INPP5A: variants seen among roughly 807,000 people sequenced by gnomAD.
INPP5A encodes the protein 43 kDa inositol polyphosphate 5-phophatase.
INPP5A carries 14 observed loss-of-function variants against 65.2 expected under a neutral mutation model. That is an observed-to-expected ratio of 0.21 (90% CI 0.14 to 0.34). The LOEUF (loss-of-function observed/expected upper bound fraction) is 0.34, where lower values mean the gene tolerates loss of function less well. Among genes scored for constraint, INPP5A ranks in the 10% least tolerant of loss-of-function variants. The probability of loss-of-function intolerance (pLI) is 1.00; values close to 1 mark genes in which losing one functional copy is unlikely to be tolerated. For synonymous variants in INPP5A, 207 were observed against 208.3 expected (o/e 0.99, Z 0.05); for missense variants, 431 against 545.6 (o/e 0.79, Z 2.09).
At chr10:132,604,807 T>C (rs75450219) in intron 1 of INPP5A, among the ~76,000 whole-genome samples, 3,543 of 152,268 alleles carry the variant, frequency 0.023, 50 homozygotes, top group South Asian at 0.039. Context: ...CAGTATTTGA[T>C]CAGACCTGTG....
intron 1 of INPP5A, among the ~76,000 whole-genome samples, chr10:132,554,012 T>C (rs1055843428): frequency 2.0e-5 from 3 of 149,110 alleles, no homozygotes; most frequent in African/African-American, 7.5e-5. Context: ...GGAGAGAGGA[T>C]TGGTGAACGC....
chr10:132,548,702 T>C (rs1215822410), intron 1 of INPP5A, among the ~76,000 whole-genome samples: 2 of 152,196 alleles, frequency 1.3e-5, no homozygotes, highest in East Asian at 1.9e-4. Context: ...CAGGCTGTGT[T>C]GTTTTCATGC....
chr10:132,691,462 G>A (rs1845259407), intron 5 of INPP5A, among the ~76,000 whole-genome samples: 2 of 152,254 alleles, frequency 1.3e-5, no homozygotes, highest in Non-Finnish European at 2.9e-5. Context: ...AGAGCGCGCC[G>A]ACGCAGCGTG....
intron 11 of INPP5A, among the ~76,000 whole-genome samples, chr10:132,765,458 C>T (rs1236862845): frequency 1.3e-5 from 2 of 152,158 alleles, no homozygotes; most frequent in African/African-American, 4.8e-5. Context: ...GAGGAGAGGC[C>T]GAGAGGGGCT....
chr10:132,733,963 G>A (rs1846131875), intron 9 of INPP5A, among the ~76,000 whole-genome samples: 1 of 152,220 alleles, frequency 6.6e-6, no homozygotes, highest in African/African-American at 2.4e-5. Flanking sequence ...GGACCTGCGA[G>A]TCTCCTGGGA....
chr10:132,585,707 A>G lies in INPP5A; in HGVS notation c.76-22208A>G, dbSNP rs576892241. On this transcript the variant is annotated intron_variant, in intron 1 of 15. Coordinates refer to ENST00000368594, the MANE Select transcript of INPP5A (RefSeq NM_005539.5). Reference sequence around the variant, plus strand: ...GTCTCACGGAGCCTCAGATACCACCATCTCTTTCTTCATCCTTTTCTTGCA... The same window carrying G: ...GTCTCACGGAGCCTCAGATACCACCGTCTCTTTCTTCATCCTTTTCTTGCA... 1.1e-4 allele frequency among the ~76,000 whole-genome samples: 17 copies of G among 152,288 alleles called. No homozygotes were observed. The South Asian group carries it at 2.1e-3, about 19-fold the overall frequency.
chr10:132,593,988 T>C (rs907143174), intron 1 of INPP5A, among the ~76,000 whole-genome samples: 1 of 152,212 alleles, frequency 6.6e-6, no homozygotes, highest in Admixed American at 6.5e-5. Flanking sequence ...GAATCATCCA[T>C]GTCTGTATGT....
intron 12 of INPP5A, among the ~76,000 whole-genome samples, chr10:132,770,067 A>C (rs1410226401): frequency 6.6e-6 from 1 of 152,208 alleles, no homozygotes; most frequent in East Asian, 1.9e-4. Context: ...AACCCCATGT[A>C]GAACAGGGCT....
chr10:132,619,716 T>A (rs1454146231), intron 2 of INPP5A, among the ~76,000 whole-genome samples: 1 of 152,218 alleles, frequency 6.6e-6, no homozygotes, highest in African/African-American at 2.4e-5. Context: ...TGGAGTGCAA[T>A]GGCATGATCT....
chr10:132,596,946 T>TGTGCGCACATGTGCGCGC (rs1564929071), intron 1 of INPP5A, among the ~76,000 whole-genome samples: 13 of 128,210 alleles, frequency 1.0e-4, no homozygotes, highest in African/African-American at 4.3e-4. Flanking sequence ...CATGTGTGCG[T>TGTGCGCACATGTGCGCGC]GTGTGCACAC....
At chr10:132,711,116 C>T (rs1290850211) in intron 8 of INPP5A, among the ~76,000 whole-genome samples, 1 of 152,186 alleles carries the variant, frequency 6.6e-6, no homozygotes, top group Non-Finnish European at 1.5e-5. Flanking sequence ...AAAACGGTGC[C>T]ATGGGGTGCT....
chr10:132,665,157 C>T (rs929792497), intron 4 of INPP5A, among the ~76,000 whole-genome samples: 6 of 152,226 alleles, frequency 3.9e-5, no homozygotes, highest in African/African-American at 1.4e-4. Flanking sequence ...GGCCTTCCCT[C>T]GCCTTTGCAG....
At chr10:132,755,209 G>C (rs1846574061) in intron 11 of INPP5A, among the ~76,000 whole-genome samples, 1 of 152,074 alleles carries the variant, frequency 6.6e-6, no homozygotes, top group Non-Finnish European at 1.5e-5. Flanking sequence ...ACATGAGCGG[G>C]TGTGTGCATG....
intron 1 of INPP5A, among the ~76,000 whole-genome samples, chr10:132,562,316 C>A (rs2071216958): frequency 6.6e-6 from 1 of 152,262 alleles, no homozygotes; most frequent in Non-Finnish European, 1.5e-5. Context: ...CCGCTCGCCA[C>A]CTCTGGCCTG....
At chr10:132,717,750 C>T (rs1845767919) in intron 8 of INPP5A, among the ~76,000 whole-genome samples, 1 of 147,254 alleles carries the variant, frequency 6.8e-6, no homozygotes, top group Non-Finnish European at 1.5e-5. Flanking sequence ...CTTCAGGGTT[C>T]TGTGGTACCT....
At chr10:132,621,579 A>T (rs959708840) in intron 2 of INPP5A, among the ~76,000 whole-genome samples, 1 of 152,170 alleles carries the variant, frequency 6.6e-6, no homozygotes, top group Admixed American at 6.5e-5. Context: ...GTCTCTGATT[A>T]GCCTTTTACT....
In INPP5A at chr10:132,546,492, C is replaced by T. The variant is rs1284220377; in HGVS notation, c.75+8321C>T. Among the ~76,000 whole-genome samples, 1 of 152,104 alleles carries T rather than the reference C, an allele frequency of 6.6e-6. No homozygotes were observed. Among genetic ancestry groups the T allele is most frequent in the East Asian group, 1.9e-4 (1 of 5,182 alleles). ...TCTCCGACAGGAGTGTGAGACTCCT[C>T]TTCAGGGGTTGCTGGGGACCAGCTG... On this transcript the variant is annotated intron_variant, in intron 1 of 15. Coordinates refer to ENST00000368594, the MANE Select transcript of INPP5A (RefSeq NM_005539.5). The surrounding 1 kb of genome is among the most constrained non-coding windows in gnomAD (Gnocchi z 5.7).
At chr10:132,728,443 C>T (rs571466901) in intron 9 of INPP5A, among the ~76,000 whole-genome samples, 2 of 152,338 alleles carry the variant, frequency 1.3e-5, no homozygotes, top group East Asian at 3.9e-4. Flanking sequence ...GTGCGGGACC[C>T]GGGAGCAAGG....
At chr10:132,767,595 G>T (rs570733563) in intron 12 of INPP5A, among the ~76,000 whole-genome samples, 119 of 152,288 alleles carry the variant, frequency 7.8e-4, no homozygotes, top group African/African-American at 2.7e-3. Flanking sequence ...AGGGGATCTC[G>T]GGCTCACACC....
Sources: allele counts gnomAD v4.1 joint callset (sites outside exome capture counted in the v4.1 genomes callset), GRCh38; gene constraint gnomAD v4.1.1; non-coding constraint Gnocchi (gnomAD v3.1); transcripts MANE v1.5; gene names NCBI Gene and HGNC (gene_info 2026-07-23, HGNC 2026-07-21).